Variants in PSTPIP1 observed in about 807,000 individuals in gnomAD.
PSTPIP1 encodes the protein proline-serine-threonine phosphatase-interacting protein 1.
PSTPIP1 carries 66 observed loss-of-function variants against 69.6 expected under a neutral mutation model. The ratio of observed to expected loss-of-function variants is 0.95; its 90% CI spans 0.78 to 1.16. The LOEUF (loss-of-function observed/expected upper bound fraction) is 1.16. Among genes scored for constraint, PSTPIP1 ranks in the 50% most tolerant of loss-of-function variants. The pLI is 0.00. For synonymous variants in PSTPIP1, 266 were observed against 222.7 expected (o/e 1.19, Z -1.73); for missense variants, 603 against 557.4 (o/e 1.08, Z -0.82).
At chr15:76,999,931 T>G (rs2075661700) in intron 1 of PSTPIP1, among the ~76,000 whole-genome samples, 1 of 152,186 alleles carries the variant, frequency 6.6e-6, no homozygotes, top group Non-Finnish European at 1.5e-5. Context: ...ATCCTATTCC[T>G]TTTAGGGTAG....
rs533671057 is a variant in PSTPIP1 at position 77,030,693 on chromosome 15, TACTC to T, written c.642+117_642+120del. The T allele has an allele frequency of 1.7e-4, 184 of 1,058,824 alleles. 1 individual carries two copies. The highest frequency in any genetic ancestry group is 2.9e-4 in the African/African-American group (18 of 62,452). 65.6% of individuals were successfully genotyped at this position (1,058,824 alleles called of 1,614,324 possible). On this transcript the variant is annotated intron_variant, in intron 9 of 14. Transcript: ENST00000558012. ...TGAGGCAGTTGGGGAAGGTACCTGT[TACTC>T]ACTCGTTTATTCAGCCTCCTGCTCA...
intron 1 of PSTPIP1, among the ~76,000 whole-genome samples, chr15:77,002,956 A>C (rs2075740530): frequency 6.6e-6 from 1 of 152,156 alleles, no homozygotes; most frequent in Non-Finnish European, 1.5e-5. Context: ...AACGGCACTC[A>C]AGGTGGGAGG....
chr15:77,011,163 T>G (rs1339616991), intron 1 of PSTPIP1, among the ~76,000 whole-genome samples: 3 of 152,096 alleles, frequency 2.0e-5, no homozygotes, highest in African/African-American at 7.2e-5. Context: ...TTAGAGAGAG[T>G]CACCTCTCTT....
rs1030197080 is a variant in PSTPIP1 at position 77,015,727 on chromosome 15, G to A, written c.37-2421G>A. On this transcript the variant is annotated intron_variant, in intron 1 of 14. Coordinates refer to ENST00000558012, the MANE Select transcript of PSTPIP1 (RefSeq NM_003978.5). ...CCCATGCCCTCGAGGAAGTGGCAGG[G>A]GTGGGGGTGAAGGAGGAGGGCGCGG... The A allele has an allele frequency of 1.7e-5, 6 of 355,858 alleles. No homozygotes were observed. In the Admixed American group the frequency reaches 2.2e-4, roughly 13 times the overall value. 22.0% of individuals were successfully genotyped at this position (355,858 alleles called of 1,614,324 possible).
chr15:77,008,921 A>G (rs544131546), intron 1 of PSTPIP1, among the ~76,000 whole-genome samples: 1 of 152,296 alleles, frequency 6.6e-6, no homozygotes, highest in African/African-American at 2.4e-5. Context: ...CCAGACTCCA[A>G]CATAGAAGCC....
intron 12 of PSTPIP1, among the ~76,000 whole-genome samples, chr15:77,034,790 T>C (rs778236551): frequency 2.0e-5 from 3 of 152,266 alleles, no homozygotes; most frequent in Non-Finnish European, 2.9e-5. Context: ...CCCTCACTAC[T>C]GCCCACTTCA....
At chr15:77,004,826 A>C (rs1017855840) in intron 1 of PSTPIP1, among the ~76,000 whole-genome samples, 1 of 152,064 alleles carries the variant, frequency 6.6e-6, no homozygotes, top group Non-Finnish European at 1.5e-5. Context: ...GCACCACTGC[A>C]CTCCAGCCTG....
chr15:77,036,176 G>T (rs1473581651), intron 14 of PSTPIP1, among the ~76,000 whole-genome samples: 1 of 152,348 alleles, frequency 6.6e-6, no homozygotes, highest in East Asian at 1.9e-4. Flanking sequence ...CAGTGTGCAT[G>T]TACTGACTGG....
intron 1 of PSTPIP1, chr15:77,016,000 G>T (rs2076043829): frequency 2.2e-6 from 1 of 456,290 alleles, no homozygotes; most frequent in South Asian, 1.5e-5. Flanking sequence ...GCCAGCGTAG[G>T]TTCGGTTTGC....
At chr15:77,018,611 C>T in intron 3 of PSTPIP1, 80 bp downstream of exon 3, 1 of 1,389,820 alleles carries the variant, frequency 7.2e-7, no homozygotes, top group Non-Finnish European at 9.6e-7. Context: ...TTAGGTCTTC[C>T]TGGCATGGGG....
At position 77,037,297 on chromosome 15, in the gene PSTPIP1, C is replaced by G; in HGVS notation, c.*121C>G. On this transcript the variant is annotated 3_prime_UTR_variant, in exon 15 of 15. Transcript: ENST00000558012. ...CCCCCAGCCCCGAGAGGGAGCCTGT[C>G]GTCTCCCAGGGAATAAAGGAGTGCG... 7.5e-7 allele frequency: 1 copy of G among 1,326,748 alleles called. No homozygotes were observed. Among genetic ancestry groups the G allele is most frequent in the East Asian group, 2.6e-5 (1 of 38,642 alleles). The allele number at this position is 1,326,748 out of a possible 1,614,324, so 82.2% of individuals were successfully genotyped here. A position where few individuals can be genotyped will look rare whatever the true frequency, so the allele number is the denominator to read the frequency against.
chr15:77,029,620 C>T (rs755179880), intron 8 of PSTPIP1, 46 bp downstream of exon 8: 15 of 1,540,330 alleles, frequency 9.7e-6, no homozygotes, highest in East Asian at 4.9e-5. Context: ...GAGGCCTGGG[C>T]GGTACTCCCC....
intron 1 of PSTPIP1, among the ~76,000 whole-genome samples, chr15:77,009,246 G>T (rs1442603404): frequency 2.0e-5 from 3 of 152,176 alleles, no homozygotes; most frequent in Non-Finnish European, 4.4e-5. Context: ...GAGGATGGCA[G>T]AGAGAGCCAA....
intron 7 of PSTPIP1, among the ~76,000 whole-genome samples, 152 bp downstream of exon 7, chr15:77,028,804 G>C (rs1265212588): frequency 1.3e-5 from 2 of 152,198 alleles, no homozygotes; most frequent in Non-Finnish European, 2.9e-5. Flanking sequence ...CTGTGAAATG[G>C]GTTTCCTGGA....
chr15:77,008,849 C>A (rs2152670720), intron 1 of PSTPIP1, among the ~76,000 whole-genome samples: 1 of 152,092 alleles, frequency 6.6e-6, no homozygotes, highest in East Asian at 2.0e-4. Flanking sequence ...AGTCGTGTTT[C>A]TCCACCATGC....
intron 6 of PSTPIP1, chr15:77,028,207 C>T (rs919469006): frequency 3.9e-6 from 2 of 518,278 alleles, no homozygotes; most frequent in Non-Finnish European, 7.0e-6. Context: ...TGAGCTTGAT[C>T]CTGCGAGACG....
chr15:77,033,626 ACCG>A (rs1401175130), intron 12 of PSTPIP1, among the ~76,000 whole-genome samples: 2 of 151,990 alleles, frequency 1.3e-5, no homozygotes, highest in African/African-American at 4.8e-5. Context: ...CTGTGCCCCC[ACCG>A]CCATGCCACC....
At chr15:77,015,216 G>A (rs2076025146) in intron 1 of PSTPIP1, among the ~76,000 whole-genome samples, 1 of 152,220 alleles carries the variant, frequency 6.6e-6, no homozygotes, top group Non-Finnish European at 1.5e-5. Flanking sequence ...ATGTTTGGAT[G>A]TTCCAAAATA....
chr15:77,014,437 C>A (rs866358080), intron 1 of PSTPIP1, among the ~76,000 whole-genome samples: 2 of 152,192 alleles, frequency 1.3e-5, no homozygotes, highest in Admixed American at 6.5e-5. Flanking sequence ...CCCTTCCCAG[C>A]CTCTCAAACA....
Sources: gnomAD v4.1 joint callset for allele counts (sites outside exome capture counted in the v4.1 genomes callset) on GRCh38, gnomAD v4.1.1 for gene constraint, MANE v1.5 for transcripts, NCBI Gene and HGNC (gene_info 2026-07-23, HGNC 2026-07-21) for gene names.